COL25A1: variants seen among roughly 807,000 people sequenced by gnomAD.
COL25A1 encodes collagen type XXV alpha 1 chain, also known as collagen alpha-1(XXV) chain.
A neutral mutation model predicts 128.4 loss-of-function variants in COL25A1; 103 were observed. The observed-to-expected ratio is 0.80, with a 90% CI of 0.68 to 0.94. The LOEUF is 0.94. Ranked by LOEUF, COL25A1 falls within the 40% of genes least tolerant of loss-of-function variation. The pLI is 0.00. For missense variants in COL25A1, 745 were observed against 840.0 expected, an observed-to-expected ratio of 0.89 and a Z score of 1.40; for synonymous variants, 279 against 277.2, an observed-to-expected ratio of 1.01 and a Z score of -0.06.
intron 3 of COL25A1, among the ~76,000 whole-genome samples, chr4:109,261,770 T>A (rs1781465022): frequency 6.6e-6 from 1 of 151,740 alleles, no homozygotes; most frequent in Non-Finnish European, 1.5e-5. Flanking sequence ...TGATCTCGGC[T>A]CACTGCGAGC....
At chr4:108,827,338 T>C in intron 32 of COL25A1, 150 bp from the exon 33 acceptor site, 1 of 692,906 alleles carries the variant, frequency 1.4e-6, no homozygotes, top group South Asian at 1.7e-5. Flanking sequence ...GCCAGTGATA[T>C]TTGGAAAGTA....
At chr4:108,998,499 A>C (rs1579032262) in intron 6 of COL25A1, among the ~76,000 whole-genome samples, 1 of 152,242 alleles carries the variant, frequency 6.6e-6, no homozygotes, top group Non-Finnish European at 1.5e-5. Context: ...TTCCATGCTC[A>C]TGGATAGGAA....
intron 5 of COL25A1, 118 bp downstream of exon 5, chr4:109,048,050 A>G: frequency 1.7e-6 from 2 of 1,193,630 alleles, no homozygotes; most frequent in Admixed American, 1.8e-5. Flanking sequence ...TATACTCTTA[A>G]AAGGTCAGTA....
At chr4:108,867,242 G>A (rs962302976) in intron 20 of COL25A1, among the ~76,000 whole-genome samples, 1 of 152,124 alleles carries the variant, frequency 6.6e-6, no homozygotes, top group Non-Finnish European at 1.5e-5. Flanking sequence ...TCCAGTTCAC[G>A]CCTGGCTTTC....
intron 6 of COL25A1, among the ~76,000 whole-genome samples, chr4:108,979,250 C>T (rs1358928701): frequency 1.3e-5 from 2 of 152,114 alleles, no homozygotes; most frequent in South Asian, 2.1e-4. Flanking sequence ...AATCTACTTC[C>T]GTTTAAGTAA....
chr4:108,823,876 T>A, intron 35 of COL25A1: 1 of 1,333,494 alleles, frequency 7.5e-7, no homozygotes, highest in Non-Finnish European at 9.6e-7. Flanking sequence ...TTTAAAATGA[T>A]TTTTTTTTCA....
At chr4:109,133,397 TG>T (rs1769408049) in intron 3 of COL25A1, among the ~76,000 whole-genome samples, 1 of 152,106 alleles carries the variant, frequency 6.6e-6, no homozygotes, top group Non-Finnish European at 1.5e-5. Flanking sequence ...ATAGGGTCAT[TG>T]TTGGGTTATT....
At chr4:108,971,854 T>C (rs1751943743) in intron 8 of COL25A1, among the ~76,000 whole-genome samples, 1 of 152,206 alleles carries the variant, frequency 6.6e-6, no homozygotes, top group Non-Finnish European at 1.5e-5. Context: ...AATTTGGTGG[T>C]TAGTAGAAGA....
At chr4:109,275,591 AG>A (rs1252208633) in intron 3 of COL25A1, among the ~76,000 whole-genome samples, 1 of 152,196 alleles carries the variant, frequency 6.6e-6, no homozygotes, top group Non-Finnish European at 1.5e-5. Context: ...AGGATGGCTG[AG>A]GGCTTCTGTC....
At chr4:109,176,829 G>T in intron 3 of COL25A1, among the ~76,000 whole-genome samples, 1 of 152,158 alleles carries the variant, frequency 6.6e-6, no homozygotes, top group East Asian at 1.9e-4. Context: ...CGTGAAGAGA[G>T]AGGCAGAGGC....
At chr4:108,982,072 T>C (rs1753030590) in intron 6 of COL25A1, among the ~76,000 whole-genome samples, 1 of 152,014 alleles carries the variant, frequency 6.6e-6, no homozygotes. Context: ...CATGCGCCTG[T>C]AATCCCAGCT....
At chr4:108,926,068 G>A (rs970025318) in intron 11 of COL25A1, among the ~76,000 whole-genome samples, 12 of 152,124 alleles carry the variant, frequency 7.9e-5, no homozygotes, top group Admixed American at 7.9e-4. Flanking sequence ...AAATAACACA[G>A]AAAGACACAT....
At chr4:109,094,925 A>G (rs1765264344) in intron 3 of COL25A1, among the ~76,000 whole-genome samples, 1 of 152,242 alleles carries the variant, frequency 6.6e-6, no homozygotes, top group African/African-American at 2.4e-5. Flanking sequence ...GCTTAAATAT[A>G]TACTAATCAT....
At chr4:109,280,678 A>T (rs1227526807) in intron 3 of COL25A1, among the ~76,000 whole-genome samples, 1 of 151,758 alleles carries the variant, frequency 6.6e-6, no homozygotes, top group Non-Finnish European at 1.5e-5. Flanking sequence ...TTTGAGACAG[A>T]GTCTTGCTCT....
chr4:108,856,188 G>A (rs1422002046), intron 24 of COL25A1, among the ~76,000 whole-genome samples: 1 of 152,114 alleles, frequency 6.6e-6, no homozygotes, highest in Non-Finnish European at 1.5e-5. Flanking sequence ...ATTCATACTA[G>A]AGAACAGGTT....
chr4:108,991,226 A>G (rs947381655), intron 6 of COL25A1, among the ~76,000 whole-genome samples: 1 of 152,220 alleles, frequency 6.6e-6, no homozygotes, highest in African/African-American at 2.4e-5. Context: ...TGAGAGGAAT[A>G]TATTAGAAAA....
chr4:108,841,223 AC>A (rs1168237319), intron 31 of COL25A1, among the ~76,000 whole-genome samples: 1 of 152,158 alleles, frequency 6.6e-6, no homozygotes, highest in Non-Finnish European at 1.5e-5. Flanking sequence ...CACCTGAAAT[AC>A]CCCACCCACT....
chr4:109,253,759 C>T (rs1560934829), intron 3 of COL25A1, among the ~76,000 whole-genome samples: 2 of 152,066 alleles, frequency 1.3e-5, no homozygotes, highest in African/African-American at 2.4e-5. Flanking sequence ...ATAATAGCAA[C>T]GTTAGAAAAA....
At chr4:109,088,102 A>G (rs1021073490) in intron 3 of COL25A1, among the ~76,000 whole-genome samples, 1 of 151,614 alleles carries the variant, frequency 6.6e-6, no homozygotes, top group Non-Finnish European at 1.5e-5. Flanking sequence ...ATTAATCAAC[A>G]CACATAGAAA....
Sources: allele counts gnomAD v4.1 joint callset (sites outside exome capture counted in the v4.1 genomes callset), GRCh38; gene constraint gnomAD v4.1.1; transcripts MANE v1.5; gene names NCBI Gene and HGNC (gene_info 2026-07-23, HGNC 2026-07-21).